The following SPOCK1 variants were observed in gnomAD, a reference collection of about 807,000 sequenced individuals.
The protein encoded by SPOCK1 is SPARC (osteonectin), cwcv and kazal like domains proteoglycan 1.
Under a neutral mutation model 55.3 loss-of-function variants are expected in SPOCK1, and 23 were observed. That is an observed-to-expected ratio of 0.42 (90% CI 0.30 to 0.59). The LOEUF is 0.59. Ranked by LOEUF, SPOCK1 falls within the 20% of genes least tolerant of loss-of-function variation. The pLI is 0.22. For missense variants in SPOCK1, 499 were observed against 552.5 expected (o/e 0.90, Z 0.97); for synonymous variants, 226 against 221.0 (o/e 1.02, Z -0.20).
chr5:137,180,750 A>G (rs1017946867), intron 3 of SPOCK1, among the ~76,000 whole-genome samples: 12 of 152,176 alleles, frequency 7.9e-5, no homozygotes, highest in Non-Finnish European at 1.6e-4. Context: ...TCCCCTCTTC[A>G]GTGTTTTCCT....
intron 2 of SPOCK1, among the ~76,000 whole-genome samples, chr5:137,291,684 G>T (rs1757373783): frequency 6.6e-6 from 1 of 152,226 alleles, no homozygotes; most frequent in South Asian, 2.1e-4. Flanking sequence ...AATGAAAGCT[G>T]ATGGGAGGCT....
At chr5:137,005,082 A>G (rs1358988788) in intron 6 of SPOCK1, among the ~76,000 whole-genome samples, 1 of 152,216 alleles carries the variant, frequency 6.6e-6, no homozygotes, top group Non-Finnish European at 1.5e-5. Flanking sequence ...AAAATTAGAG[A>G]CAGAGTGAGC....
At chr5:137,027,929 AGAGT>A (rs1421325603) in intron 6 of SPOCK1, among the ~76,000 whole-genome samples, 6 of 152,210 alleles carry the variant, frequency 3.9e-5, no homozygotes, top group African/African-American at 1.2e-4. Flanking sequence ...GGCAGCAGGG[AGAGT>A]GAGTGTCTAT....
At chr5:137,099,184 C>T (rs1216251069) in intron 5 of SPOCK1, among the ~76,000 whole-genome samples, 5 of 152,162 alleles carry the variant, frequency 3.3e-5, no homozygotes, top group Admixed American at 2.0e-4. Context: ...GAGAGCAAAG[C>T]AGGATCTTTC....
intron 2 of SPOCK1, chr5:137,365,387 T>C (rs1305687510): frequency 6.6e-6 from 1 of 152,216 alleles, no homozygotes; most frequent in African/African-American, 2.4e-5. Context: ...CCTTTCTAAT[T>C]GAGTCAGGTT....
intron 2 of SPOCK1, among the ~76,000 whole-genome samples, chr5:137,490,964 T>A (rs1754163165): frequency 6.6e-6 from 1 of 152,064 alleles, no homozygotes; most frequent in South Asian, 2.1e-4. Flanking sequence ...TATAGCTGAG[T>A]GCCAACAACT....
chr5:137,468,099 G>A (rs6871574), intron 2 of SPOCK1, among the ~76,000 whole-genome samples: 43,212 of 152,002 alleles, frequency 0.28, 6,119 homozygotes, highest in Middle Eastern at 0.37. Flanking sequence ...ATCAAAATGA[G>A]ATCTCACTCC....
intron 2 of SPOCK1, among the ~76,000 whole-genome samples, chr5:137,333,878 A>C (rs10491306): frequency 0.099 from 15,060 of 152,264 alleles, 1,272 homozygotes; most frequent in African/African-American, 0.23. Context: ...GATGAATCTC[A>C]ATGACCTCTA....
At chr5:137,076,411 A>C (rs1752760996) in intron 5 of SPOCK1, among the ~76,000 whole-genome samples, 1 of 152,170 alleles carries the variant, frequency 6.6e-6, no homozygotes, top group Admixed American at 6.5e-5. Context: ...AACCCATCTT[A>C]AGGTAAAAAT....
chr5:137,027,106 C>T (rs3900340), intron 6 of SPOCK1, among the ~76,000 whole-genome samples: 1 of 152,202 alleles, frequency 6.6e-6, no homozygotes, highest in Admixed American at 6.5e-5. Flanking sequence ...GTCAAAATAC[C>T]TAGAGGACAA....
intron 2 of SPOCK1, among the ~76,000 whole-genome samples, chr5:137,293,058 G>C (rs894437106): frequency 7.8e-6 from 1 of 128,152 alleles, no homozygotes; most frequent in Non-Finnish European, 1.7e-5. Context: ...GGCCACTGCT[G>C]TTTCATTCAA....
intron 9 of SPOCK1, among the ~76,000 whole-genome samples, chr5:136,981,096 C>T (rs1056695668): frequency 1.3e-5 from 2 of 152,218 alleles, no homozygotes; most frequent in Non-Finnish European, 2.9e-5. Context: ...ACATGGAAAA[C>T]CCTTAGAAAT....
intron 2 of SPOCK1, among the ~76,000 whole-genome samples, chr5:137,460,647 ACT>A (rs1181915239): frequency 6.6e-6 from 1 of 152,150 alleles, no homozygotes; most frequent in African/African-American, 2.4e-5. Context: ...AAGCAAATTC[ACT>A]CTGAGTTTCT....
At chr5:137,126,200 C>A (rs1193852924) in intron 4 of SPOCK1, among the ~76,000 whole-genome samples, 1 of 152,154 alleles carries the variant, frequency 6.6e-6, no homozygotes, top group African/African-American at 2.4e-5. Context: ...AGCCTGGGAC[C>A]TCCCTCCTCT....
In SPOCK1 at chr5:136,978,049, A is replaced by G; in HGVS notation, c.*605T>C. ...AAGTATCCAGACACCAATTTTTAAT[A>G]AAATGAATTCCCCAAAGGGAGTCTT... On this transcript the variant is annotated 3_prime_UTR_variant, in exon 11 of 11. Transcript: ENST00000394945. 1 of 398,038 alleles carries G rather than the reference A, an allele frequency of 2.5e-6. No homozygotes were observed. The allele number at this position is 398,038 out of a possible 1,614,324, so 24.7% of individuals were successfully genotyped here. A position where few individuals can be genotyped will look rare whatever the true frequency, so the allele number is the denominator to read the frequency against.
intron 2 of SPOCK1, among the ~76,000 whole-genome samples, chr5:137,441,252 T>C (rs930619650): frequency 1.3e-5 from 2 of 152,190 alleles, no homozygotes; most frequent in Non-Finnish European, 1.5e-5. Context: ...TTGGAAGCAT[T>C]TGCCATGGAG....
intron 2 of SPOCK1, among the ~76,000 whole-genome samples, chr5:137,417,251 C>T (rs1752356160): frequency 1.3e-5 from 2 of 150,892 alleles, no homozygotes; most frequent in Non-Finnish European, 2.9e-5. Context: ...TCTTTGCCTA[C>T]TCCAAGGTAA....
intron 2 of SPOCK1, among the ~76,000 whole-genome samples, chr5:137,387,152 G>A (rs1404952523): frequency 1.3e-5 from 2 of 152,174 alleles, no homozygotes; most frequent in African/African-American, 4.8e-5. Flanking sequence ...CCAGAACACT[G>A]ACACCACCAA....
At chr5:136,995,027 TC>T (rs1462300387) in intron 6 of SPOCK1, among the ~76,000 whole-genome samples, 1 of 152,008 alleles carries the variant, frequency 6.6e-6, no homozygotes, top group African/African-American at 2.4e-5. Context: ...ATTTAAAAAA[TC>T]TAATAGATAG....
Sources: allele counts gnomAD v4.1 joint callset (sites outside exome capture counted in the v4.1 genomes callset), GRCh38; gene constraint gnomAD v4.1.1; transcripts MANE v1.5; gene names NCBI Gene and HGNC (gene_info 2026-07-23, HGNC 2026-07-21).